The following ABCB4 variants were observed in gnomAD, a reference collection of about 807,000 sequenced individuals.
The protein encoded by ABCB4 is ATP binding cassette subfamily B member 4, also known as phosphatidylcholine translocator ABCB4.
A neutral mutation model predicts 145.7 loss-of-function variants in ABCB4; 76 were observed. That is an observed-to-expected ratio of 0.52 (90% confidence interval 0.43 to 0.63). The LOEUF (loss-of-function observed/expected upper bound fraction) is 0.63, where lower values mean the gene tolerates loss of function less well. Among genes scored for constraint, ABCB4 ranks in the 30% least tolerant of loss-of-function variants. The probability of loss-of-function intolerance (pLI) is 0.00; values close to 1 mark genes in which losing one functional copy is unlikely to be tolerated. For synonymous variants in ABCB4, 517 were observed against 566.8 expected (o/e 0.91, Z 1.25); for missense variants, 1,234 against 1,553.1 (o/e 0.79, Z 3.45).
At chr7:87,433,627 C>T (rs1810389760) in intron 14 of ABCB4, among the ~76,000 whole-genome samples, 1 of 149,470 alleles carries the variant, frequency 6.7e-6, no homozygotes, top group Non-Finnish European at 1.5e-5. Context: ...TCACCTTTGA[C>T]CAAGAGAAGT....
the ABCB4 span, among the ~76,000 whole-genome samples, chr7:87,378,346 C>CAAA: frequency 0.014 from 1,922 of 132,558 alleles, 123 homozygotes; most frequent in East Asian, 0.1. Context: ...ACTCCGACTC[C>CAAA]AAAAAAAAAA....
At chr7:87,384,539 CA>C in the ABCB4 span, among the ~76,000 whole-genome samples, 3 of 152,080 alleles carry the variant, frequency 2.0e-5, no homozygotes, top group Non-Finnish European at 4.4e-5. Context: ...CTAACAACAA[CA>C]AAAAAGATTA....
chr7:87,437,384 C>A lies in ABCB4; in HGVS notation c.1731+2283G>T, dbSNP rs1016064622. Among the ~76,000 whole-genome samples the A allele has an allele frequency of 4.5e-4, 69 of 152,230 alleles. 1 individual carries two copies. Among genetic ancestry groups the A allele is most frequent in the African/African-American group, 1.5e-3 (63 of 41,532 alleles). The stretch of plus-strand genomic sequence containing the variant: ...CCATGGACCATTTTAATGAAGCCAG[C>A]CCTCCAGGTAAATGCAGCCATGTGC... On this transcript the variant is annotated intron_variant, in intron 14 of 27. Coordinates refer to ENST00000649586, the MANE Select transcript of ABCB4 (RefSeq NM_000443.4).
chr7:87,447,578 G>A (rs1246570119), intron 8 of ABCB4, among the ~76,000 whole-genome samples: 1 of 152,188 alleles, frequency 6.6e-6, no homozygotes, highest in Non-Finnish European at 1.5e-5. Flanking sequence ...AGAATTGATT[G>A]TAAATGTCAC....
intron 2 of ABCB4, 140 bp downstream of exon 2, chr7:87,475,246 G>T: frequency 1.0e-6 from 1 of 969,430 alleles, no homozygotes; most frequent in Non-Finnish European, 1.6e-6. Context: ...GGTCAGAACC[G>T]GATGCAAGAC....
downstream of ABCB4, chr7:87,398,984 T>A (rs1404931931): frequency 4.3e-6 from 1 of 233,966 alleles, no homozygotes; most frequent in East Asian, 1.3e-4. Flanking sequence ...GGTACTTACA[T>A]GGGTTATAAA....
At chr7:87,411,276 A>C (rs944791129) in intron 23 of ABCB4, among the ~76,000 whole-genome samples, 8 of 152,186 alleles carry the variant, frequency 5.3e-5, no homozygotes, top group Non-Finnish European at 4.4e-5. Context: ...AAACATACCA[A>C]ATGATCTTAA....
intron 22 of ABCB4, among the ~76,000 whole-genome samples, chr7:87,412,667 T>C (rs762314260): frequency 3.3e-5 from 5 of 152,246 alleles, no homozygotes; most frequent in Non-Finnish European, 7.3e-5. Context: ...GAGGGTGTTT[T>C]TGGCAAAAGG....
Position 87,409,540 on chromosome 7 carries a change from T to C in ABCB4, c.2925-148A>G. 17 of 843,882 alleles carry C rather than the reference T, an allele frequency of 2.0e-5. No individual in the cohort carries two copies. The South Asian group carries it at 2.5e-4, about 12-fold the overall frequency. The allele number at this position is 843,882 out of a possible 1,614,324, so 52.3% of individuals were successfully genotyped here. A position where few individuals can be genotyped will look rare whatever the true frequency, so the allele number is the denominator to read the frequency against. Reference sequence around the variant, plus strand: ...CCCGACATACATTTTCATAAAATTCTAGTAACAAGAGAAATCTAGGAGAGG... The same window carrying C: ...CCCGACATACATTTTCATAAAATTCCAGTAACAAGAGAAATCTAGGAGAGG... On this transcript the variant is annotated intron_variant, in intron 23 of 27. Coordinates refer to ENST00000649586, the MANE Select transcript of ABCB4 (RefSeq NM_000443.4).
In ABCB4 at chr7:87,440,311, G is replaced by A; in HGVS notation, c.1448C>T (p.Ser483Phe). 6.2e-7 allele frequency: 1 copy of A among 1,614,074 alleles called. No homozygotes were observed. The highest frequency in any genetic ancestry group is 1.1e-5 in the South Asian group (1 of 91,080). Residue 483 changes from serine to phenylalanine, a missense_variant, in exon 13 of 28, where the codon TCC becomes TTC. Physicochemically the swap from Ser to Phe is radical, Grantham distance 155. Around this residue, in one of 7 missense-constraint regions of ABCB4, gnomAD observed 467 missense variants for 632.8 expected, o/e 0.74. Transcript: ENST00000649586. ...ACAAATATTTTCAGCAATTGTGGTGGAAAACAGCACCGGCTCCTGACTCAC... is the reference window on the plus strand; with the variant it reads ...ACAAATATTTTCAGCAATTGTGGTGAAAAACAGCACCGGCTCCTGACTCAC... ...GVVSQEPVLF[S>F]TTIAENICYG... is the part of the protein sequence containing the mutation.
chr7:87,437,243 G>A (rs902191232), intron 14 of ABCB4, among the ~76,000 whole-genome samples: 7 of 152,066 alleles, frequency 4.6e-5, no homozygotes, highest in African/African-American at 1.7e-4. Context: ...TTGCTCTCTG[G>A]GTACACTGCC....
chr7:87,381,947 G>T, the ABCB4 span: 1 of 1,611,030 alleles, frequency 6.2e-7, no homozygotes, highest in African/African-American at 1.3e-5. Flanking sequence ...GTGAACATCA[G>T]TTATTATGTG....
chr7:87,438,376 A>C lies in ABCB4; in HGVS notation c.1731+1291T>G, dbSNP rs984420663. Among the ~76,000 whole-genome samples, 3 of 152,352 alleles carry C rather than the reference A, an allele frequency of 2.0e-5. No individual in the cohort carries two copies. In the East Asian group the frequency reaches 5.8e-4, roughly 29 times the overall value. ...AATATCATGATTTAATATACACAAA[A>C]GCAGTATAATTCAGTGCAAGAATTT... On this transcript the variant is annotated intron_variant, in intron 14 of 27. Coordinates refer to ENST00000649586, the MANE Select transcript of ABCB4 (RefSeq NM_000443.4).
the ABCB4 span, among the ~76,000 whole-genome samples, chr7:87,394,245 T>C: frequency 9.9e-5 from 15 of 152,232 alleles, no homozygotes; most frequent in Non-Finnish European, 2.1e-4. Context: ...AAGTATCTCC[T>C]TAAGATGTCA....
downstream of ABCB4, among the ~76,000 whole-genome samples, chr7:87,400,790 T>G (rs1300102081): frequency 1.3e-5 from 2 of 152,218 alleles, no homozygotes; most frequent in Non-Finnish European, 2.9e-5. Flanking sequence ...TTCTGAAATA[T>G]GAAACACTTC....
Position 87,458,633 on chromosome 7 carries a change from G to T in ABCB4, c.287-4041C>A, listed in dbSNP as rs45569137. Among the ~76,000 whole-genome samples the T allele has an allele frequency of 7.2e-5, 11 of 152,242 alleles. No homozygotes were observed. The East Asian group carries it at 1.9e-3, about 27-fold the overall frequency. On this transcript the variant is annotated intron_variant, in intron 4 of 27. Coordinates refer to ENST00000649586, the MANE Select transcript of ABCB4 (RefSeq NM_000443.4). ...AATAAGCAGTCTGGATTTAGAGTGAGTATCCTTTAAAGATTTCATTGTCTT... is the reference window on the plus strand; with the variant it reads ...AATAAGCAGTCTGGATTTAGAGTGATTATCCTTTAAAGATTTCATTGTCTT...
chr7:87,468,448 C>T (rs1421071437), intron 3 of ABCB4, among the ~76,000 whole-genome samples: 2 of 152,130 alleles, frequency 1.3e-5, no homozygotes, highest in Non-Finnish European at 2.9e-5. Context: ...CGAATTCTAC[C>T]AGAGGTACAA....
chr7:87,449,880 G>C (rs1811592591), intron 8 of ABCB4, 88 bp downstream of exon 8: 1 of 1,600,506 alleles, frequency 6.2e-7, no homozygotes, highest in South Asian at 1.1e-5. Flanking sequence ...TATTAGGAAA[G>C]GGAAGGTAAA....
At chr7:87,470,024 T>C (rs1357225560) in intron 3 of ABCB4, among the ~76,000 whole-genome samples, 1 of 152,118 alleles carries the variant, frequency 6.6e-6, no homozygotes, top group African/African-American at 2.4e-5. Flanking sequence ...AACAGAGATA[T>C]AGACCAATGG....
Sources: allele counts gnomAD v4.1 joint callset (sites outside exome capture counted in the v4.1 genomes callset), GRCh38; gene constraint gnomAD v4.1.1; regional missense constraint gnomAD v4.1.1; transcripts MANE v1.5; gene names NCBI Gene and HGNC (gene_info 2026-07-23, HGNC 2026-07-21).